Variants in INSR observed in about 807,000 individuals in gnomAD.
INSR encodes insulin receptor, also known as IR.
INSR carries 67 observed loss-of-function variants against 142.6 expected under a neutral mutation model. That is an observed-to-expected ratio of 0.47 (90% CI 0.39 to 0.58). The LOEUF is 0.58. Ranked by LOEUF, INSR falls within the 20% of genes least tolerant of loss-of-function variation. The pLI, the probability that INSR is intolerant of heterozygous loss-of-function variation, is 0.00. For synonymous variants in INSR, 756 were observed against 743.1 expected (o/e 1.02, Z -0.28); for missense variants, 1,248 against 1,833.2 (o/e 0.68, Z 5.83).
At chr19:7,154,144 G>C (rs1194596573) in intron 9 of INSR, among the ~76,000 whole-genome samples, 3 of 151,866 alleles carry the variant, frequency 2.0e-5, no homozygotes, top group Non-Finnish European at 4.4e-5. Flanking sequence ...CTGGGTGACA[G>C]AGCGAGACTC....
chr19:7,257,695 A>G (rs1315971247), intron 2 of INSR, among the ~76,000 whole-genome samples: 1 of 152,016 alleles, frequency 6.6e-6, no homozygotes, highest in African/African-American at 2.4e-5. Context: ...GAGGGAAGAA[A>G]GAAAAGGAAA....
chr19:7,179,201 C>T lies in INSR; in HGVS notation c.975-4470G>A, dbSNP rs567880240. 2.8e-4 allele frequency among the ~76,000 whole-genome samples: 43 copies of T among 152,298 alleles called. 1 individual carries two copies. Among genetic ancestry groups the T allele is most frequent in the Admixed American group, 2.5e-3 (38 of 15,278 alleles). On this transcript the variant is annotated intron_variant, in intron 3 of 21. Transcript: ENST00000302850. Reference sequence around the variant, plus strand: ...TGCTGGGATTACAGGCATGAGCCACCACACCTGGCCAGGTTTATTTTCATT... The same window carrying T: ...TGCTGGGATTACAGGCATGAGCCACTACACCTGGCCAGGTTTATTTTCATT...
At chr19:7,260,973 C>T (rs1162789228) in intron 2 of INSR, among the ~76,000 whole-genome samples, 3 of 151,670 alleles carry the variant, frequency 2.0e-5, no homozygotes, top group Non-Finnish European at 4.4e-5. Flanking sequence ...CTGCGACCTC[C>T]GCCCCCGGGG....
intron 11 of INSR, among the ~76,000 whole-genome samples, chr19:7,145,235 T>C (rs1438534287): frequency 6.6e-6 from 1 of 152,170 alleles, no homozygotes; most frequent in African/African-American, 2.4e-5. Flanking sequence ...GCCAGTAAGC[T>C]TTCTTTAAAT....
intron 1 of INSR, among the ~76,000 whole-genome samples, chr19:7,282,404 T>A (rs1451643481): frequency 6.8e-6 from 1 of 146,792 alleles, no homozygotes. Flanking sequence ...TCAAGCCAGC[T>A]GGACAAGGTG....
At position 7,294,051 on chromosome 19, in the gene INSR, G is replaced by A; in HGVS notation, c.-160C>T. 1.3e-6 allele frequency: 1 copy of A among 767,520 alleles called. No homozygotes were observed. Among genetic ancestry groups the A allele is most frequent in the African/African-American group, 1.9e-5 (1 of 53,576 alleles). 47.5% of individuals were successfully genotyped at this position (767,520 alleles called of 1,614,324 possible). A position where few individuals can be genotyped will look rare whatever the true frequency, so the allele number is the denominator to read the frequency against. On this transcript the variant is annotated 5_prime_UTR_variant, in exon 1 of 22. Transcript: ENST00000302850. ...CAGCCCCCCTGCCGGGGAGGGCCCA[G>A]AGGCAGCCCCGGGAAGGGCGCGCGC...
At chr19:7,174,034 G>A (rs1204598075) in intron 4 of INSR, among the ~76,000 whole-genome samples, 9 of 151,810 alleles carry the variant, frequency 5.9e-5, no homozygotes, top group Non-Finnish European at 1.5e-5. Flanking sequence ...TGTAATCCCT[G>A]CACTTTGAGA....
chr19:7,259,865 G>T (rs556364221), intron 2 of INSR, among the ~76,000 whole-genome samples: 1 of 151,752 alleles, frequency 6.6e-6, no homozygotes, highest in Non-Finnish European at 1.5e-5. Context: ...CAAGTCCAGC[G>T]TGGTGGCTCA....
At position 7,150,338 on chromosome 19, in the gene INSR, G is replaced by A. The variant is rs1465872868; in HGVS notation, c.2267+159C>T. 6.6e-6 allele frequency among the ~76,000 whole-genome samples: 1 copy of A among 152,230 alleles called. No individual in the cohort carries two copies. The highest frequency in any genetic ancestry group is 2.4e-5 in the African/African-American group (1 of 41,464). On this transcript the variant is annotated intron_variant, in intron 11 of 21. Coordinates refer to ENST00000302850, the MANE Select transcript of INSR (RefSeq NM_000208.4). The surrounding 1 kb of genome is among the most constrained non-coding windows in gnomAD (Gnocchi z 4.2). Reference sequence around the variant, plus strand: ...TGCCCAGATTTCATTTCAGAGTGAAGGCATTGGATTTCTGAATTGGTGAAG... The same window carrying A: ...TGCCCAGATTTCATTTCAGAGTGAAAGCATTGGATTTCTGAATTGGTGAAG...
In INSR at chr19:7,229,332, A is replaced by AGATG. The variant is rs1162772377; in HGVS notation, c.652+38009_652+38012dup. Among the ~76,000 whole-genome samples, 285 of 81,964 alleles carry AGATG rather than the reference A, an allele frequency of 3.5e-3. 3 individuals are homozygous for AGATG. Among genetic ancestry groups the AGATG allele is most frequent in the African/African-American group, 9.4e-3 (213 of 22,650 alleles). The allele number at this position is 81,964 out of a possible 152,430, so 53.8% of individuals were successfully genotyped here. ...TGGATGGATGGATGGATGGATGGATAGATGGATGGATGGATGGATGGATGG... is the reference window on the plus strand; with the variant it reads ...TGGATGGATGGATGGATGGATGGATAGATGGATGGATGGATGGATGGATGGATGG... On this transcript the variant is annotated intron_variant, in intron 2 of 21. Coordinates refer to ENST00000302850, the MANE Select transcript of INSR (RefSeq NM_000208.4).
chr19:7,234,988 G>A (rs928066674), intron 2 of INSR, among the ~76,000 whole-genome samples: 3 of 152,040 alleles, frequency 2.0e-5, no homozygotes, highest in Non-Finnish European at 4.4e-5. Context: ...AACCCGGGAG[G>A]CGGAGCTTGC....
chr19:7,140,083 C>T (rs1024073264), intron 13 of INSR, among the ~76,000 whole-genome samples: 1 of 152,148 alleles, frequency 6.6e-6, no homozygotes, highest in Non-Finnish European at 1.5e-5. Context: ...ACATTCTTTA[C>T]AATGCTCTGC....
chr19:7,125,219 G>A lies in INSR; in HGVS notation c.3258+64C>T. On this transcript the variant is annotated intron_variant, in intron 17 of 21. Coordinates refer to ENST00000302850, the MANE Select transcript of INSR (RefSeq NM_000208.4). This position sits in a 1 kb window ranked among gnomAD's most constrained non-coding sequence, Gnocchi z 4.9. ...GTGTCCTCTGTCGCTCTGTGCAGGA[G>A]GAGGAGGCAGAGAAAGGGAAGGGTC... 1 of 1,601,280 alleles carries A rather than the reference G, an allele frequency of 6.2e-7. No homozygotes were observed. Among genetic ancestry groups the A allele is most frequent in the Non-Finnish European group, 8.5e-7 (1 of 1,171,116 alleles).
Position 7,193,474 on chromosome 19 carries a change from T to C in INSR, c.653-8837A>G, listed in dbSNP as rs12610413. On this transcript the variant is annotated intron_variant, in intron 2 of 21. Coordinates refer to ENST00000302850, the MANE Select transcript of INSR (RefSeq NM_000208.4). The stretch of plus-strand genomic sequence containing the variant: ...TTGCAGTGAGCTGAGATCACGCTAC[T>C]GCACTCCAGCCTGGCGACAGAGTGA... 7.1e-3 allele frequency among the ~76,000 whole-genome samples: 1,068 copies of C among 150,508 alleles called. 16 individuals are homozygous for C. The highest frequency in any genetic ancestry group is 0.06 in the East Asian group (295 of 4,878).
chr19:7,219,399 A>G (rs1010694682), intron 2 of INSR, among the ~76,000 whole-genome samples: 18 of 149,246 alleles, frequency 1.2e-4, no homozygotes, highest in Admixed American at 2.0e-4. Flanking sequence ...GCCTTGGATT[A>G]GCAAGACCTC....
chr19:7,284,843 A>G (rs183529576), intron 1 of INSR, among the ~76,000 whole-genome samples: 3 of 152,298 alleles, frequency 2.0e-5, no homozygotes, highest in Admixed American at 2.0e-4. Flanking sequence ...TTTAATCCTC[A>G]GTGTGCAGAT....
In INSR at chr19:7,192,543, A is replaced by G. The variant is rs929738191; in HGVS notation, c.653-7906T>C. 1.3e-5 allele frequency among the ~76,000 whole-genome samples: 2 copies of G among 152,076 alleles called. No homozygotes were observed. Among genetic ancestry groups the G allele is most frequent in the Non-Finnish European group, 2.9e-5 (2 of 68,010 alleles). On this transcript the variant is annotated intron_variant, in intron 2 of 21. Coordinates refer to ENST00000302850, the MANE Select transcript of INSR (RefSeq NM_000208.4). This position sits in a 1 kb window ranked among gnomAD's most constrained non-coding sequence, Gnocchi z 4.2. ...GAGCCCAAGTGTCCGTTCCTGCCCA[A>G]ATTCTGGTTTGGGGTAGGGACAGTC... is the stretch of plus-strand genomic sequence containing the variant.
intron 1 of INSR, among the ~76,000 whole-genome samples, chr19:7,293,408 C>A (rs1968549350): frequency 6.6e-6 from 1 of 152,192 alleles, no homozygotes; most frequent in African/African-American, 2.4e-5. Flanking sequence ...CTGTTCGGGG[C>A]TGTCCAGACC....
At chr19:7,246,942 CTA>C (rs918034242) in intron 2 of INSR, among the ~76,000 whole-genome samples, 1 of 144,192 alleles carries the variant, frequency 6.9e-6, no homozygotes, top group Non-Finnish European at 1.5e-5. Flanking sequence ...GTTCCTAGTT[CTA>C]TGTTTCAGAG....
Sources: gnomAD v4.1 joint callset for allele counts (sites outside exome capture counted in the v4.1 genomes callset) on GRCh38, gnomAD v4.1.1 for gene constraint, Gnocchi (gnomAD v3.1) non-coding constraint, MANE v1.5 for transcripts, NCBI Gene and HGNC (gene_info 2026-07-23, HGNC 2026-07-21) for gene names.